STARD13: variants seen among roughly 807,000 people sequenced by gnomAD.
The protein encoded by STARD13 is stAR-related lipid transfer protein 13.
A neutral mutation model predicts 106.4 loss-of-function variants in STARD13; 62 were observed. The ratio of observed to expected loss-of-function variants is 0.58; its 90% CI spans 0.48 to 0.72. STARD13 has a LOEUF of 0.72. Among genes scored for constraint, STARD13 ranks in the 30% least tolerant of loss-of-function variants. The pLI, the probability that STARD13 is intolerant of heterozygous loss-of-function variation, is 0.00. For missense variants in STARD13, 1,387 were observed against 1,424.0 expected, an observed-to-expected ratio of 0.97 and a Z score of 0.42; for synonymous variants, 565 against 553.0, an observed-to-expected ratio of 1.02 and a Z score of -0.31.
At chr13:33,386,364 C>T in the STARD13 span, among the ~76,000 whole-genome samples, 2 of 152,136 alleles carry the variant, frequency 1.3e-5, no homozygotes, top group African/African-American at 2.4e-5. Context: ...TCCTCAGGGG[C>T]TCCAGGAAGA....
At chr13:33,672,977 G>A in the STARD13 span, among the ~76,000 whole-genome samples, 9 of 152,106 alleles carry the variant, frequency 5.9e-5, no homozygotes, top group Non-Finnish European at 1.3e-4. Context: ...TTAGAATATT[G>A]CCAATTTAAG....
the STARD13 span, among the ~76,000 whole-genome samples, chr13:33,488,854 T>C: frequency 1.1e-4 from 16 of 152,374 alleles, no homozygotes; most frequent in African/African-American, 3.6e-4. Flanking sequence ...TGTTAACACA[T>C]TTAAAGCATT....
chr13:33,379,735 C>G, the STARD13 span, among the ~76,000 whole-genome samples: 2 of 152,226 alleles, frequency 1.3e-5, no homozygotes, highest in Admixed American at 1.3e-4. Context: ...AGTTCAGTAA[C>G]TTCCCCAAGG....
chr13:33,227,899 A>G (rs1206025105), intron 1 of STARD13, among the ~76,000 whole-genome samples: 1 of 152,234 alleles, frequency 6.6e-6, no homozygotes, highest in Non-Finnish European at 1.5e-5. Flanking sequence ...CATCCTGACA[A>G]CATGTGAGAA....
At chr13:33,581,815 T>A in the STARD13 span, among the ~76,000 whole-genome samples, 3 of 152,134 alleles carry the variant, frequency 2.0e-5, no homozygotes, top group Admixed American at 6.6e-5. Flanking sequence ...GGTGAATATA[T>A]ACTCCTAAAC....
chr13:33,523,566 T>C, the STARD13 span, among the ~76,000 whole-genome samples: 1 of 152,116 alleles, frequency 6.6e-6, no homozygotes, highest in Admixed American at 6.6e-5. Context: ...TCAGGACTTA[T>C]GAAGGCCTAC....
the STARD13 span, among the ~76,000 whole-genome samples, chr13:33,628,864 C>G: frequency 1.3e-5 from 2 of 152,188 alleles, no homozygotes; most frequent in African/African-American, 4.8e-5. Flanking sequence ...GAGTTCCAAC[C>G]CTGAGTTTCA....
At position 33,243,229 on chromosome 13, in the gene STARD13, C is replaced by G. The variant is rs557463639; in HGVS notation, c.169+42241G>C. On this transcript the variant is annotated intron_variant, in intron 1 of 13. Transcript: ENST00000336934. ...CCTTTAAATACCACAAACATTCATT[C>G]AACATTTATTGAGCACTTACATGTT... is the stretch of plus-strand genomic sequence containing the variant. Among the ~76,000 whole-genome samples, 16 of 152,310 alleles carry G rather than the reference C, an allele frequency of 1.1e-4. No individual in the cohort carries two copies. The South Asian group carries it at 3.1e-3, about 30-fold the overall frequency.
At chr13:33,499,496 C>T in the STARD13 span, among the ~76,000 whole-genome samples, 20 of 58,836 alleles carry the variant, frequency 3.4e-4, no homozygotes, top group Admixed American at 3.0e-3. Context: ...GTCTTTTCTC[C>T]TTCTTCTTCT....
chr13:33,107,030 C>A (rs554588), intron 12 of STARD13, 96 bp from the exon 13 acceptor site: 296,107 of 1,237,046 alleles, frequency 0.24, 36,476 homozygotes, highest in South Asian at 0.3. Flanking sequence ...TTCCTGCCAA[C>A]AACCTGGGCT....
At chr13:33,597,032 T>C in the STARD13 span, among the ~76,000 whole-genome samples, 1 of 152,236 alleles carries the variant, frequency 6.6e-6, no homozygotes, top group East Asian at 1.9e-4. Context: ...ACTGATTTCC[T>C]TTCCTTTAAA....
At chr13:33,237,062 G>T (rs1665443310) in intron 1 of STARD13, among the ~76,000 whole-genome samples, 1 of 151,998 alleles carries the variant, frequency 6.6e-6, no homozygotes, top group Non-Finnish European at 1.5e-5. Flanking sequence ...TTTCCCCAAA[G>T]ATCTACACGT....
the STARD13 span, among the ~76,000 whole-genome samples, chr13:33,540,164 G>A: frequency 1.3e-5 from 2 of 152,162 alleles, no homozygotes; most frequent in African/African-American, 2.4e-5. Flanking sequence ...ACCTCAGAGA[G>A]TACCCTACCC....
At chr13:33,545,684 C>T in the STARD13 span, among the ~76,000 whole-genome samples, 1 of 152,156 alleles carries the variant, frequency 6.6e-6, no homozygotes, top group Admixed American at 6.5e-5. Context: ...AGTGAGTTTT[C>T]TATTAGTTGC....
intron 1 of STARD13, among the ~76,000 whole-genome samples, chr13:33,340,383 T>C (rs1178754203): frequency 1.3e-5 from 2 of 152,018 alleles, no homozygotes; most frequent in Non-Finnish European, 2.9e-5. Context: ...ATTTTCTTTA[T>C]CTTTTGTAGA....
At chr13:33,501,029 A>G in the STARD13 span, among the ~76,000 whole-genome samples, 1 of 149,966 alleles carries the variant, frequency 6.7e-6, no homozygotes, top group Non-Finnish European at 1.5e-5. Flanking sequence ...AACCTAAAAA[A>G]ATAACAAAAA....
the STARD13 span, among the ~76,000 whole-genome samples, chr13:33,433,065 TG>T: frequency 6.6e-6 from 1 of 152,236 alleles, no homozygotes; most frequent in Non-Finnish European, 1.5e-5. Flanking sequence ...ATTAAAAGGA[TG>T]TTTTTCAGCA....
chr13:33,656,047 G>A, the STARD13 span, among the ~76,000 whole-genome samples: 5,240 of 151,824 alleles, frequency 0.035, 310 homozygotes, highest in African/African-American at 0.12. Context: ...ACTTAAGTGG[G>A]CAACTTCTCT....
chr13:33,277,048 GAA>G (rs60224228), intron 1 of STARD13, among the ~76,000 whole-genome samples: 1 of 57,730 alleles, frequency 1.7e-5, no homozygotes, highest in African/African-American at 3.4e-5. Context: ...CTAAGCTTCT[GAA>G]AAAAAAAAAA....
Sources: gnomAD v4.1 joint callset for allele counts (sites outside exome capture counted in the v4.1 genomes callset) on GRCh38, gnomAD v4.1.1 for gene constraint, MANE v1.5 for transcripts, NCBI Gene and HGNC (gene_info 2026-07-23, HGNC 2026-07-21) for gene names.